Variants in GPAM observed in about 807,000 individuals in gnomAD.
GPAM encodes the protein glycerol-3-phosphate acyltransferase 1, mitochondrial.
In GPAM, 56 loss-of-function variants were observed where a neutral mutation model predicts 105.0. The ratio of observed to expected loss-of-function variants is 0.53; its 90% CI spans 0.43 to 0.67. The LOEUF is 0.67. Ranked by LOEUF, GPAM falls within the 30% of genes least tolerant of loss-of-function variation. GPAM has a pLI of 0.00. For missense variants in GPAM, 855 were observed against 989.8 expected, an observed-to-expected ratio of 0.86 and a Z score of 1.83; for synonymous variants, 368 against 354.4, an observed-to-expected ratio of 1.04 and a Z score of -0.43.
chr10:112,154,746 C>T, intron 20 of GPAM, 59 bp from the exon 21 acceptor site: 1 of 1,251,814 alleles, frequency 8.0e-7, no homozygotes, highest in South Asian at 1.2e-5. Flanking sequence ...ATGACAATCC[C>T]AGCAGCCACA....
At chr10:112,201,157 CA>C (rs1847792451) in intron 1 of GPAM, among the ~76,000 whole-genome samples, 1 of 152,140 alleles carries the variant, frequency 6.6e-6, no homozygotes, top group African/African-American at 2.4e-5. Flanking sequence ...TCTGCTGAAT[CA>C]GGGGGCAGTG....
At chr10:112,199,248 G>A (rs551361356) in intron 1 of GPAM, among the ~76,000 whole-genome samples, 64 of 152,206 alleles carry the variant, frequency 4.2e-4, no homozygotes, top group African/African-American at 1.3e-3. Context: ...AAGCCACTGC[G>A]CCCAGCCACC....
At chr10:112,194,447 C>T (rs1365107259) in intron 1 of GPAM, among the ~76,000 whole-genome samples, 3 of 152,194 alleles carry the variant, frequency 2.0e-5, no homozygotes, top group Non-Finnish European at 2.9e-5. Context: ...GACACTATGT[C>T]TTTCAGGAAA....
intron 14 of GPAM, among the ~76,000 whole-genome samples, chr10:112,163,084 T>C (rs1847151018): frequency 6.6e-6 from 1 of 152,152 alleles, no homozygotes; most frequent in African/African-American, 2.4e-5. Flanking sequence ...CTGTGCTGCC[T>C]TGGGATTTTA....
intron 21 of GPAM, chr10:112,154,345 T>C (rs1846976566): frequency 6.3e-6 from 3 of 474,934 alleles, no homozygotes; most frequent in Admixed American, 3.7e-5. Context: ...ATTCAACCTG[T>C]AGCACCTTGA....
At chr10:112,218,481 A>G (rs1847992228), upstream of GPAM, among the ~76,000 whole-genome samples, 1 of 152,174 alleles carries the variant, frequency 6.6e-6, no homozygotes, top group African/African-American at 2.4e-5. Context: ...AGGATGGTAT[A>G]AGAAAAAAAA....
At chr10:112,181,847 G>T in intron 2 of GPAM, 34 bp from the exon 3 acceptor site, 2 of 921,548 alleles carry the variant, frequency 2.2e-6, no homozygotes, top group South Asian at 1.3e-5. Context: ...AATTAACAAG[G>T]AATCGAGAGA....
chr10:112,211,324 C>T (rs1847908787), intron 1 of GPAM, among the ~76,000 whole-genome samples: 1 of 152,174 alleles, frequency 6.6e-6, no homozygotes. Context: ...ATCTAACCTG[C>T]CATCAAATAA....
rs774030228 is a variant in GPAM, at chr10:112,168,331, T to C, written c.1088A>G (p.His363Arg). Residue 363 changes from histidine (H) to arginine (R), a missense_variant, in exon 11 of 22, where the codon CAC becomes CGC. His to Arg is a conservative substitution (Grantham distance 29, BLOSUM62 0). Coordinates refer to ENST00000348367, the MANE Select transcript of GPAM (RefSeq NM_001244949.2). ...GISYDRIIEG[H>R]YNGEQLGKPK... Reference sequence around the variant, plus strand: ...CCTTACCAGTTGTTCACCATTGTAGTGACCTTCGATAATGCGATCATAGGA... The same window carrying C: ...CCTTACCAGTTGTTCACCATTGTAGCGACCTTCGATAATGCGATCATAGGA... The C allele has an allele frequency of 6.3e-6, 10 of 1,597,164 alleles. No homozygotes were observed. In the African/African-American group the frequency reaches 1.2e-4, roughly 19 times the overall value.
At chr10:112,166,097 A>T (rs1202270147) in intron 12 of GPAM, among the ~76,000 whole-genome samples, 5 of 152,156 alleles carry the variant, frequency 3.3e-5, no homozygotes, top group Admixed American at 2.6e-4. Flanking sequence ...TGTACTATCA[A>T]ATACTAAAAC....
At chr10:112,164,951 T>G (rs778094700) in intron 12 of GPAM, among the ~76,000 whole-genome samples, 9 of 152,126 alleles carry the variant, frequency 5.9e-5, no homozygotes, top group Non-Finnish European at 1.3e-4. Context: ...TAATCATACT[T>G]AAAAAAATCT....
chr10:112,174,237 T>A (rs1325581797), intron 6 of GPAM, among the ~76,000 whole-genome samples: 1 of 152,236 alleles, frequency 6.6e-6, no homozygotes, highest in African/African-American at 2.4e-5. Flanking sequence ...AATGTGTGAT[T>A]TTTCTTTTGA....
chr10:112,177,396 A>ACAG (rs763418891), intron 5 of GPAM, among the ~76,000 whole-genome samples: 1 of 152,172 alleles, frequency 6.6e-6, no homozygotes, highest in Non-Finnish European at 1.5e-5. Flanking sequence ...CTCTTGCCTC[A>ACAG]CAGACATTCA....
At chr10:112,214,143 G>A (rs1378937928) in intron 1 of GPAM, among the ~76,000 whole-genome samples, 1 of 152,088 alleles carries the variant, frequency 6.6e-6, no homozygotes, top group Non-Finnish European at 1.5e-5. Context: ...ATCCCACTGT[G>A]GCTAACAAAG....
At chr10:112,188,349 C>T (rs193062541), upstream of GPAM, among the ~76,000 whole-genome samples, 1 of 152,270 alleles carries the variant, frequency 6.6e-6, no homozygotes, top group Admixed American at 6.5e-5. Flanking sequence ...AGAAGAGTGA[C>T]AGCACTACAA....
At chr10:112,158,751 AAT>A (rs1223487408) in intron 17 of GPAM, among the ~76,000 whole-genome samples, 1 of 152,210 alleles carries the variant, frequency 6.6e-6, no homozygotes, top group Non-Finnish European at 1.5e-5. Flanking sequence ...ATTTCTCTGC[AAT>A]AGTTATCTTA....
chr10:112,173,162 T>C (rs1343133059), intron 7 of GPAM, 96 bp from the exon 8 acceptor site: 3 of 765,082 alleles, frequency 3.9e-6, no homozygotes, highest in Admixed American at 3.7e-5. Flanking sequence ...CTTAAATTTA[T>C]GGACCTACAA....
chr10:112,226,275 T>C, the GPAM span, among the ~76,000 whole-genome samples: 2 of 152,334 alleles, frequency 1.3e-5, no homozygotes, highest in Middle Eastern at 3.4e-3. Context: ...ATATGTGCTT[T>C]TCTGGAACCA....
chr10:112,202,996 G>A (rs1847815654), intron 1 of GPAM, among the ~76,000 whole-genome samples: 1 of 152,184 alleles, frequency 6.6e-6, no homozygotes. Context: ...TTGAGAAGGT[G>A]GGAGAACAAT....
Sources: allele counts gnomAD v4.1 joint callset (sites outside exome capture counted in the v4.1 genomes callset), GRCh38; gene constraint gnomAD v4.1.1; transcripts MANE v1.5; gene names NCBI Gene and HGNC (gene_info 2026-07-23, HGNC 2026-07-21).